Variants in WDR7 observed in about 807,000 individuals in gnomAD.
WDR7 encodes WD repeat-containing protein 7.
In WDR7, 46 loss-of-function variants were observed where a neutral mutation model predicts 169.4. The observed-to-expected ratio is 0.27, with a 90% CI of 0.21 to 0.35. The LOEUF (loss-of-function observed/expected upper bound fraction) is 0.35, where lower values mean the gene tolerates loss of function less well. Among genes scored for constraint, WDR7 ranks in the 10% least tolerant of loss-of-function variants. The pLI, the probability that WDR7 is intolerant of heterozygous loss-of-function variation, is 1.00. For missense variants in WDR7, 1,534 were observed against 1,859.3 expected, an observed-to-expected ratio of 0.83 and a Z score of 3.22; for synonymous variants, 612 against 666.8, an observed-to-expected ratio of 0.92 and a Z score of 1.27.
At chr18:57,019,519 C>CT (rs1286617605) in intron 26 of WDR7, among the ~76,000 whole-genome samples, 3 of 151,692 alleles carry the variant, frequency 2.0e-5, no homozygotes, top group African/African-American at 7.2e-5. Context: ...ACCAACATAA[C>CT]TTTTTTTTTG....
In WDR7 at chr18:56,952,640, A is replaced by AT. The variant is rs754809010; in HGVS notation, c.4065-9785dup. 2.0e-5 allele frequency among the ~76,000 whole-genome samples: 3 copies of AT among 152,316 alleles called. No homozygotes were observed. The East Asian group carries it at 5.8e-4, about 29-fold the overall frequency. ...AGGAGTTCCTATTTTGTTTAATGCTATTTTTGTATCTGATGAAGTTTTATG... is the reference window on the plus strand; with the variant it reads ...AGGAGTTCCTATTTTGTTTAATGCTATTTTTTGTATCTGATGAAGTTTTATG... On this transcript the variant is annotated intron_variant, in intron 25 of 27. Transcript: ENST00000254442.
At chr18:56,938,747 T>C in intron 24 of WDR7, 65 bp downstream of exon 24, 1 of 1,570,136 alleles carries the variant, frequency 6.4e-7, no homozygotes, top group Non-Finnish European at 8.7e-7. Flanking sequence ...TGAAGTAATA[T>C]AAATCAGTAT....
At chr18:56,893,450 A>G (rs2045749267) in intron 21 of WDR7, among the ~76,000 whole-genome samples, 1 of 152,134 alleles carries the variant, frequency 6.6e-6, no homozygotes, top group Non-Finnish European at 1.5e-5. Context: ...AAAGCCTTTC[A>G]GTAAGAGGTA....
rs546073840 is a variant in WDR7 at position 56,843,783 on chromosome 18, A to T, written c.3304+27639A>T. ...TTCTACAGTGGCTGTACCATTTTAC[A>T]TTCCTACTAGCGGTGCATTATAGTC... On this transcript the variant is annotated intron_variant, in intron 20 of 27. Coordinates refer to ENST00000254442, the MANE Select transcript of WDR7 (RefSeq NM_015285.3). Among the ~76,000 whole-genome samples the T allele has an allele frequency of 9.2e-5, 14 of 151,458 alleles. No individual in the cohort carries two copies. The South Asian group carries it at 2.5e-3, about 27-fold the overall frequency.
chr18:56,666,691 T>C (rs905165523), intron 1 of WDR7, among the ~76,000 whole-genome samples: 3 of 152,220 alleles, frequency 2.0e-5, no homozygotes, highest in African/African-American at 7.2e-5. Context: ...ATAAATGGAA[T>C]TTTGTGGTAA....
chr18:56,895,488 A>T (rs999062038), intron 21 of WDR7, among the ~76,000 whole-genome samples: 8 of 151,240 alleles, frequency 5.3e-5, no homozygotes, highest in South Asian at 4.2e-4. Context: ...TTTTTTAAAA[A>T]TTTTTTTTAC....
At chr18:56,940,090 G>T (rs2047013965) in intron 25 of WDR7, among the ~76,000 whole-genome samples, 1 of 152,152 alleles carries the variant, frequency 6.6e-6, no homozygotes, top group East Asian at 1.9e-4. Flanking sequence ...GTTAAAAAAG[G>T]TTTAATCTCC....
intron 20 of WDR7, among the ~76,000 whole-genome samples, chr18:56,851,670 G>A (rs2045642607): frequency 1.3e-5 from 2 of 152,248 alleles, no homozygotes; most frequent in South Asian, 4.1e-4. Context: ...GTCCCTAAAT[G>A]CCTGTAATGT....
chr18:56,985,114 T>A (rs886358357), intron 26 of WDR7, among the ~76,000 whole-genome samples: 4 of 152,202 alleles, frequency 2.6e-5, no homozygotes, highest in Non-Finnish European at 5.9e-5. Context: ...ACAGTGTTTC[T>A]GGAGAACATT....
chr18:56,866,141 C>T (rs1205226544), intron 20 of WDR7, among the ~76,000 whole-genome samples: 1 of 152,110 alleles, frequency 6.6e-6, no homozygotes, highest in Non-Finnish European at 1.5e-5. Context: ...TGCCCTTCAC[C>T]TTGTGGCTTG....
intron 19 of WDR7, among the ~76,000 whole-genome samples, chr18:56,795,412 G>A (rs2044567082): frequency 6.6e-6 from 1 of 152,096 alleles, no homozygotes; most frequent in Non-Finnish European, 1.5e-5. Context: ...TGCCTTTTTG[G>A]TAGATGCATG....
intron 20 of WDR7, among the ~76,000 whole-genome samples, chr18:56,869,561 A>C (rs1453011071): frequency 2.6e-5 from 4 of 152,184 alleles, no homozygotes; most frequent in African/African-American, 9.7e-5. Flanking sequence ...TGTGTTTAAT[A>C]CAGTGGGGGA....
chr18:56,823,092 A>T (rs561854365), intron 20 of WDR7, among the ~76,000 whole-genome samples: 1 of 152,340 alleles, frequency 6.6e-6, no homozygotes, highest in Non-Finnish European at 1.5e-5. Context: ...GATGCTGTGT[A>T]AAACTGAGAT....
At chr18:57,022,694 A>G (rs1426541341) in intron 27 of WDR7, among the ~76,000 whole-genome samples, 2 of 152,154 alleles carry the variant, frequency 1.3e-5, no homozygotes, top group Admixed American at 6.5e-5. Context: ...TTCCTTGAAT[A>G]TTTTTCTATT....
intron 14 of WDR7, among the ~76,000 whole-genome samples, chr18:56,749,169 CAA>C (rs142883687): frequency 0.015 from 2,299 of 151,950 alleles, 64 homozygotes; most frequent in African/African-American, 0.053. Context: ...TATACTAAAT[CAA>C]GAGTAAAATT....
intron 21 of WDR7, among the ~76,000 whole-genome samples, chr18:56,922,003 C>T (rs2046730209): frequency 6.6e-6 from 1 of 152,064 alleles, no homozygotes; most frequent in Non-Finnish European, 1.5e-5. Flanking sequence ...CCTCCTTTTG[C>T]AATATTTAGC....
chr18:56,934,887 C>A (rs1249898763), intron 22 of WDR7, among the ~76,000 whole-genome samples: 1 of 152,158 alleles, frequency 6.6e-6, no homozygotes, highest in Non-Finnish European at 1.5e-5. Context: ...GTATTCCATA[C>A]TGAGTAACAA....
At chr18:56,906,662 G>T (rs1321315972) in intron 21 of WDR7, among the ~76,000 whole-genome samples, 2 of 151,374 alleles carry the variant, frequency 1.3e-5, no homozygotes, top group Non-Finnish European at 2.9e-5. Flanking sequence ...TTCTGCCTCA[G>T]CCTCCTGAGT....
chr18:56,740,739 A>C (rs555854090), intron 14 of WDR7, among the ~76,000 whole-genome samples: 2 of 152,216 alleles, frequency 1.3e-5, no homozygotes, highest in South Asian at 4.1e-4. Flanking sequence ...CCTACTTCTT[A>C]TCTTCTTAGC....
Sources: allele counts gnomAD v4.1 joint callset (sites outside exome capture counted in the v4.1 genomes callset), GRCh38; gene constraint gnomAD v4.1.1; transcripts MANE v1.5; gene names NCBI Gene and HGNC (gene_info 2026-07-23, HGNC 2026-07-21).